Variants in ITPR2 observed in about 807,000 individuals in gnomAD.
The protein encoded by ITPR2 is inositol 1,4,5-trisphosphate-gated calcium channel ITPR2.
Under a neutral mutation model 317.1 loss-of-function variants are expected in ITPR2, and 207 were observed. That is an observed-to-expected ratio of 0.65 (90% CI 0.58 to 0.73). The LOEUF (loss-of-function observed/expected upper bound fraction) is 0.73, where lower values mean the gene tolerates loss of function less well. Ranked by LOEUF, ITPR2 falls within the 30% of genes least tolerant of loss-of-function variation. ITPR2 has a pLI of 0.00. For missense variants in ITPR2, 2,613 were observed against 3,284.0 expected (o/e 0.80, Z 4.99); for synonymous variants, 1,156 against 1,149.1 (o/e 1.01, Z -0.12).
intron 49 of ITPR2, 139 bp from the exon 50 acceptor site, chr12:26,419,352 A>G: frequency 1.4e-6 from 1 of 692,090 alleles, no homozygotes; most frequent in Non-Finnish European, 2.3e-6. Context: ...TTTGACATGG[A>G]TGAAAACTAT....
At chr12:26,515,759 C>T (rs1280758627) in intron 37 of ITPR2, among the ~76,000 whole-genome samples, 3 of 151,724 alleles carry the variant, frequency 2.0e-5, no homozygotes, top group African/African-American at 4.8e-5. Context: ...ACACCAAAGC[C>T]GCAGTTCATA....
rs549941269 is a variant in ITPR2, at chr12:26,690,979, C to G, written c.997-4347G>C. The stretch of plus-strand genomic sequence containing the variant: ...ATCTCCATTTATAAAGAGCATATAA[C>G]AATTGCTTATGTGTGAATAAGAGCT... On this transcript the variant is annotated intron_variant, in intron 10 of 56. Coordinates refer to ENST00000381340, the MANE Select transcript of ITPR2 (RefSeq NM_002223.4). Among the ~76,000 whole-genome samples, 393 of 152,282 alleles carry G rather than the reference C, an allele frequency of 2.6e-3. 1 individual carries two copies. Among genetic ancestry groups the G allele is most frequent in the African/African-American group, 9.2e-3 (381 of 41,574 alleles).
At chr12:26,761,348 TG>T (rs1949629801) in intron 2 of ITPR2, among the ~76,000 whole-genome samples, 1 of 152,206 alleles carries the variant, frequency 6.6e-6, no homozygotes, top group Non-Finnish European at 1.5e-5. Flanking sequence ...ATTCTTAAAA[TG>T]TGCAGACACC....
intron 26 of ITPR2, among the ~76,000 whole-genome samples, chr12:26,605,173 A>G (rs1206180687): frequency 1.3e-5 from 2 of 150,692 alleles, no homozygotes; most frequent in Non-Finnish European, 3.0e-5. Context: ...ATGAAAGTAA[A>G]GCCAATGTAG....
intron 2 of ITPR2, among the ~76,000 whole-genome samples, chr12:26,734,997 T>TC (rs1491138425): frequency 4.0e-5 from 1 of 24,698 alleles, no homozygotes; most frequent in Non-Finnish European, 8.8e-5. Flanking sequence ...CAAGCCAGTC[T>TC]TTTTTTTTTT....
intron 5 of ITPR2, among the ~76,000 whole-genome samples, chr12:26,718,362 C>CA (rs1393574406): frequency 3.9e-5 from 6 of 152,148 alleles, no homozygotes; most frequent in African/African-American, 1.4e-4. Context: ...AATATAATGA[C>CA]ATATTTTAAC....
At chr12:26,780,944 G>A (rs1426760817) in intron 2 of ITPR2, among the ~76,000 whole-genome samples, 1 of 152,174 alleles carries the variant, frequency 6.6e-6, no homozygotes, top group Admixed American at 6.5e-5. Flanking sequence ...TAAGTCAACA[G>A]GCTAAGAAGG....
At chr12:26,411,501 A>G (rs1393064848) in intron 51 of ITPR2, 89 bp from the exon 52 acceptor site, 1 of 843,468 alleles carries the variant, frequency 1.2e-6, no homozygotes, top group Non-Finnish European at 1.9e-6. Flanking sequence ...TGTAAATTAA[A>G]GGCATTCATA....
chr12:26,781,992 G>A (rs111738301), intron 2 of ITPR2, among the ~76,000 whole-genome samples: 1,418 of 56,850 alleles, frequency 0.025, 60 homozygotes, highest in African/African-American at 0.097. Flanking sequence ...AAACTCCCCT[G>A]TATATATATA....
intron 2 of ITPR2, among the ~76,000 whole-genome samples, chr12:26,772,411 C>T (rs1949860572): frequency 1.0e-5 from 1 of 98,918 alleles, no homozygotes; most frequent in African/African-American, 3.1e-5. Flanking sequence ...ATAATATACA[C>T]ATTTATATAT....
chr12:26,497,882 TTTTG>T (rs1353314003), intron 37 of ITPR2, among the ~76,000 whole-genome samples: 2 of 151,958 alleles, frequency 1.3e-5, no homozygotes, highest in Non-Finnish European at 2.9e-5. Context: ...GGCTAATTTT[TTTTG>T]TTTGTTTTGT....
intron 45 of ITPR2, among the ~76,000 whole-genome samples, chr12:26,457,164 G>A (rs906588423): frequency 1.3e-5 from 2 of 152,182 alleles, no homozygotes; most frequent in Non-Finnish European, 2.9e-5. Flanking sequence ...AAATAAAGCG[G>A]AGGACGGAAG....
intron 13 of ITPR2, among the ~76,000 whole-genome samples, chr12:26,670,468 A>T (rs1009878860): frequency 9.8e-5 from 15 of 152,334 alleles, no homozygotes; most frequent in Non-Finnish European, 1.9e-4. Context: ...AGCAAACTCC[A>T]ACAGACCTGC....
At chr12:26,349,699 C>T (rs1938420615) in intron 55 of ITPR2, among the ~76,000 whole-genome samples, 1 of 152,262 alleles carries the variant, frequency 6.6e-6, no homozygotes, top group Non-Finnish European at 1.5e-5. Context: ...GCATGGCACC[C>T]AGCAAAGGCT....
At chr12:26,496,271 T>C (rs1383851085) in intron 37 of ITPR2, among the ~76,000 whole-genome samples, 3 of 152,234 alleles carry the variant, frequency 2.0e-5, no homozygotes, top group African/African-American at 7.2e-5. Context: ...GAGCAACACC[T>C]GATTCAACTC....
chr12:26,454,349 C>A (rs2016871), intron 45 of ITPR2, among the ~76,000 whole-genome samples: 3,950 of 152,092 alleles, frequency 0.026, 156 homozygotes, highest in East Asian at 0.2. Context: ...AGACTACAAG[C>A]ACGCACCACC....
At chr12:26,744,338 A>G (rs1465219846) in intron 2 of ITPR2, among the ~76,000 whole-genome samples, 1 of 152,190 alleles carries the variant, frequency 6.6e-6, no homozygotes, top group Non-Finnish European at 1.5e-5. Flanking sequence ...CTTATCTAGG[A>G]CACTTCCACT....
At chr12:26,546,542 T>C (rs1010001805) in intron 37 of ITPR2, among the ~76,000 whole-genome samples, 12 of 152,206 alleles carry the variant, frequency 7.9e-5, no homozygotes, top group African/African-American at 2.9e-4. Context: ...CATATTCTTT[T>C]GGAAGAATCT....
chr12:26,445,615 C>G (rs1941592495), intron 45 of ITPR2, among the ~76,000 whole-genome samples: 1 of 152,048 alleles, frequency 6.6e-6, no homozygotes, highest in South Asian at 2.1e-4. Context: ...GCAGGTAAGT[C>G]CAATCAAATG....
Sources: gnomAD v4.1 joint callset for allele counts (sites outside exome capture counted in the v4.1 genomes callset) on GRCh38, gnomAD v4.1.1 for gene constraint, MANE v1.5 for transcripts, NCBI Gene and HGNC (gene_info 2026-07-23, HGNC 2026-07-21) for gene names.